Variants in FBN1 observed in about 807,000 individuals in gnomAD.
The protein encoded by FBN1 is fibrillin 1, also known as fibrillin-1.
FBN1 carries 29 observed loss-of-function variants against 365.1 expected under a neutral mutation model. The observed-to-expected ratio is 0.08, with a 90% CI of 0.06 to 0.11. FBN1 has a LOEUF of 0.11. Among genes scored for constraint, FBN1 ranks in the 10% least tolerant of loss-of-function variants. FBN1 has a pLI of 1.00. For missense variants in FBN1, 2,476 were observed against 3,703.2 expected (o/e 0.67, Z 8.60); for synonymous variants, 1,210 against 1,270.5 (o/e 0.95, Z 1.01).
intron 13 of FBN1, among the ~76,000 whole-genome samples, chr15:48,510,715 A>C (rs550143165): frequency 6.6e-6 from 1 of 152,318 alleles, no homozygotes; most frequent in East Asian, 1.9e-4. Flanking sequence ...AAACAACTTT[A>C]TGAGTATTCT....
chr15:48,516,277 T>TGGA lies in FBN1; in HGVS notation c.1230_1232dup (p.Pro411dup), dbSNP rs1357102047. On this transcript the variant is annotated inframe_insertion, in exon 11 of 66. Coordinates refer to ENST00000316623, the MANE Select transcript of FBN1 (RefSeq NM_000138.5). The stretch of plus-strand genomic sequence containing the variant: ...GAAAGCCAGGAGGAACAGGGAGAAC[T>TGGA]GGAGGAATGGGGCCAAGGGGTGGGG... 1 of 1,612,996 alleles carries TGGA rather than the reference T, an allele frequency of 6.2e-7. No individual in the cohort carries two copies. The highest frequency in any genetic ancestry group is 8.5e-7 in the Non-Finnish European group (1 of 1,179,634).
chr15:48,474,695 T>C (rs1478332198), intron 32 of FBN1, 45 bp from the exon 33 acceptor site: 45 of 1,613,232 alleles, frequency 2.8e-5, no homozygotes, highest in African/African-American at 4.0e-5. Context: ...AGCACAAATG[T>C]CTTTTGGTTT....
At chr15:48,568,026 AAAGAAAGAAAGAAAGAAAGAAAG>A (rs1405420942) in intron 6 of FBN1, among the ~76,000 whole-genome samples, 3,089 of 118,782 alleles carry the variant, frequency 0.026, 58 homozygotes, top group Admixed American at 0.029. Context: ...AGAAAGAAAG[AAAGAAAGAAAGAAAGAAAGAAAG>A]AAGAAAGAAA....
chr15:48,576,521 C>A (rs1335671704), intron 6 of FBN1, among the ~76,000 whole-genome samples: 1 of 152,128 alleles, frequency 6.6e-6, no homozygotes, highest in Non-Finnish European at 1.5e-5. Context: ...TTTTATTGGT[C>A]TTTGTGCCTT....
In FBN1 at chr15:48,634,742, AAAG is replaced by A. The variant is rs1890057435; in HGVS notation, c.164+9861_164+9863del. 2.0e-5 allele frequency among the ~76,000 whole-genome samples: 3 copies of A among 151,884 alleles called. No individual in the cohort carries two copies. The South Asian group carries it at 6.3e-4, about 32-fold the overall frequency. ...GCACAGCTTATGAAATTACTTACAA[AAAG>A]AAGATGAAACAATGATGATGAAGAA... is the stretch of plus-strand genomic sequence containing the variant. On this transcript the variant is annotated intron_variant, in intron 2 of 65. Transcript: ENST00000316623.
intron 4 of FBN1, among the ~76,000 whole-genome samples, chr15:48,609,149 C>T (rs1597630597): frequency 6.6e-6 from 1 of 152,198 alleles, no homozygotes; most frequent in East Asian, 1.9e-4. Flanking sequence ...GATGTGCTGC[C>T]AGCTGGCTTC....
At chr15:48,610,942 A>C (rs1428652451) in intron 3 of FBN1, 116 bp from the exon 4 acceptor site, 8 of 753,216 alleles carry the variant, frequency 1.1e-5, no homozygotes, top group Non-Finnish European at 1.9e-5. Context: ...CTTTGCTATC[A>C]TGACTTATAT....
At chr15:48,428,800 T>C (rs1302630448) in intron 56 of FBN1, among the ~76,000 whole-genome samples, 1 of 152,214 alleles carries the variant, frequency 6.6e-6, no homozygotes, top group Non-Finnish European at 1.5e-5. Flanking sequence ...AAGAATAGAT[T>C]TTCTTCTTTC....
At chr15:48,628,382 G>A (rs1447983447) in intron 2 of FBN1, among the ~76,000 whole-genome samples, 2 of 151,442 alleles carry the variant, frequency 1.3e-5, no homozygotes, top group Non-Finnish European at 2.9e-5. Context: ...TAAAATCTCT[G>A]CAGATATCTT....
intron 2 of FBN1, among the ~76,000 whole-genome samples, chr15:48,632,709 A>G (rs946412216): frequency 2.0e-5 from 3 of 152,214 alleles, no homozygotes; most frequent in Admixed American, 2.0e-4. Context: ...ACCCACAGCC[A>G]GGCTCAAATA....
At chr15:48,506,114 T>C (rs928990405) in intron 15 of FBN1, among the ~76,000 whole-genome samples, 2 of 152,018 alleles carry the variant, frequency 1.3e-5, no homozygotes, top group African/African-American at 2.4e-5. Context: ...TCCCAGCAAC[T>C]TGGGAGGCTG....
chr15:48,631,904 T>C (rs1889996154), intron 2 of FBN1, among the ~76,000 whole-genome samples: 1 of 152,236 alleles, frequency 6.6e-6, no homozygotes, highest in Non-Finnish European at 1.5e-5. Flanking sequence ...CAACCCAGTC[T>C]TTCCATTTAC....
At chr15:48,517,042 TGAC>T (rs1458292275) in intron 10 of FBN1, among the ~76,000 whole-genome samples, 3 of 152,190 alleles carry the variant, frequency 2.0e-5, no homozygotes, top group African/African-American at 7.2e-5. Flanking sequence ...AAGTCAAGAA[TGAC>T]TCCTAGTTTT....
intron 6 of FBN1, among the ~76,000 whole-genome samples, chr15:48,541,525 T>C (rs1188732068): frequency 6.6e-6 from 1 of 152,216 alleles, no homozygotes; most frequent in Non-Finnish European, 1.5e-5. Flanking sequence ...TGTATTAACA[T>C]GGTTTTCAAA....
At chr15:48,515,025 G>C (rs1472694385) in intron 12 of FBN1, among the ~76,000 whole-genome samples, 1 of 152,168 alleles carries the variant, frequency 6.6e-6, no homozygotes, top group Non-Finnish European at 1.5e-5. Context: ...GTGGAAGAGG[G>C]AATTGCAAGA....
chr15:48,535,294 A>T (rs1212408008), intron 7 of FBN1, among the ~76,000 whole-genome samples: 2 of 152,194 alleles, frequency 1.3e-5, no homozygotes, highest in Non-Finnish European at 2.9e-5. Flanking sequence ...TTATTTAATA[A>T]ATTGAATGTC....
chr15:48,463,321 A>C, intron 41 of FBN1, 81 bp from the exon 42 acceptor site: 1 of 1,314,136 alleles, frequency 7.6e-7, no homozygotes, highest in Non-Finnish European at 1.1e-6. Context: ...GTGGATACTC[A>C]ACAAGCAAGT....
chr15:48,470,900 T>C, intron 35 of FBN1, 144 bp from the exon 36 acceptor site: 1 of 950,304 alleles, frequency 1.1e-6, no homozygotes, highest in Non-Finnish European at 1.6e-6. Flanking sequence ...TATAGACTTT[T>C]AGATGATTTG....
intron 63 of FBN1, among the ~76,000 whole-genome samples, chr15:48,417,438 C>T (rs1447507688): frequency 6.8e-5 from 2 of 29,304 alleles, no homozygotes; most frequent in Non-Finnish European, 1.4e-4. Flanking sequence ...CCCTCCCCTC[C>T]CCTCCCTCCT....
Sources: allele counts gnomAD v4.1 joint callset (sites outside exome capture counted in the v4.1 genomes callset), GRCh38; gene constraint gnomAD v4.1.1; transcripts MANE v1.5; gene names NCBI Gene and HGNC (gene_info 2026-07-23, HGNC 2026-07-21).